The following OR2L13 variants were observed in gnomAD, a reference collection of about 807,000 sequenced individuals.
OR2L13 encodes the protein olfactory receptor 2L13.
OR2L13 carries 14 observed loss-of-function variants against 15.3 expected under a neutral mutation model. That is an observed-to-expected ratio of 0.91 (90% confidence interval 0.60 to 1.43). The LOEUF is 1.43. Ranked by LOEUF, OR2L13 falls within the 40% of genes most tolerant of loss-of-function variation. OR2L13 has a pLI of 0.00. For synonymous variants in OR2L13, 152 were observed against 142.9 expected (o/e 1.06, Z -0.45); for missense variants, 367 against 387.9 (o/e 0.95, Z 0.45).
At chr1:247,969,051 A>G in the OR2L13 span, among the ~76,000 whole-genome samples, 1 of 152,134 alleles carries the variant, frequency 6.6e-6, no homozygotes, top group Non-Finnish European at 1.5e-5. Flanking sequence ...CTGGCGTGAG[A>G]TGGTATCTCA....
At chr1:247,996,285 G>A in the OR2L13 span, among the ~76,000 whole-genome samples, 4 of 152,114 alleles carry the variant, frequency 2.6e-5, no homozygotes, top group Non-Finnish European at 5.9e-5. Flanking sequence ...ACAAACATTT[G>A]ACATAAATGC....
the OR2L13 span, chr1:247,991,176 G>T: frequency 1.2e-6 from 2 of 1,603,578 alleles, no homozygotes; most frequent in East Asian, 4.5e-5. Context: ...TGACACGAGT[G>T]ATTCAGAAAA....
chr1:247,959,454 G>C, the OR2L13 span, among the ~76,000 whole-genome samples: 2 of 151,992 alleles, frequency 1.3e-5, no homozygotes, highest in Non-Finnish European at 2.9e-5. Flanking sequence ...TATCTTTGTG[G>C]CGTTCTGTGT....
the OR2L13 span, among the ~76,000 whole-genome samples, chr1:248,082,830 G>T: frequency 6.6e-6 from 1 of 152,118 alleles, no homozygotes; most frequent in Non-Finnish European, 1.5e-5. Context: ...CTCATTGTTA[G>T]TAACTGTTAA....
chr1:247,991,090 G>T, the OR2L13 span: 1 of 1,597,906 alleles, frequency 6.3e-7, no homozygotes, highest in Non-Finnish European at 8.6e-7. Context: ...GGTTCTGGCT[G>T]TCTTCTACAC....
the OR2L13 span, among the ~76,000 whole-genome samples, chr1:248,049,970 T>C: frequency 6.6e-6 from 1 of 152,194 alleles, no homozygotes; most frequent in Non-Finnish European, 1.5e-5. Flanking sequence ...TGAAAATCTC[T>C]GAATCTCAGT....
chr1:247,999,318 CTA>C, the OR2L13 span, among the ~76,000 whole-genome samples: 1 of 152,094 alleles, frequency 6.6e-6, no homozygotes, highest in African/African-American at 2.4e-5. Flanking sequence ...TAATCAGTTT[CTA>C]TATATCCATG....
the OR2L13 span, among the ~76,000 whole-genome samples, chr1:248,073,694 C>A: frequency 1.3e-5 from 2 of 150,698 alleles, no homozygotes; most frequent in Admixed American, 6.6e-5. Flanking sequence ...TGGATGTTAG[C>A]TTGCTAGTGG....
the OR2L13 span, among the ~76,000 whole-genome samples, chr1:247,960,327 G>A: frequency 6.6e-6 from 1 of 152,176 alleles, no homozygotes; most frequent in Non-Finnish European, 1.5e-5. Flanking sequence ...GTACCAGGCC[G>A]TGTGAGGTGT....
intron 2 of OR2L13, among the ~76,000 whole-genome samples, chr1:248,099,124 T>G (rs527256261): frequency 6.6e-6 from 1 of 152,310 alleles, no homozygotes; most frequent in South Asian, 2.1e-4. Flanking sequence ...TGTAGCTGCT[T>G]GACTCTGCTG....
At chr1:247,988,851 T>C in the OR2L13 span, among the ~76,000 whole-genome samples, 1 of 152,172 alleles carries the variant, frequency 6.6e-6, no homozygotes, top group African/African-American at 2.4e-5. Context: ...TAAAGTAATT[T>C]ATTGTTTTTG....
At chr1:247,938,391 G>A in the OR2L13 span, among the ~76,000 whole-genome samples, 32 of 152,148 alleles carry the variant, frequency 2.1e-4, no homozygotes, top group Admixed American at 5.2e-4. Context: ...GGACCCAAGA[G>A]CAGCATGAAA....
the OR2L13 span, among the ~76,000 whole-genome samples, chr1:247,940,305 T>G: frequency 6.6e-6 from 1 of 152,174 alleles, no homozygotes; most frequent in African/African-American, 2.4e-5. Flanking sequence ...TAAAAGTTAT[T>G]GCAAAGAGAA....
At chr1:248,056,081 T>C in the OR2L13 span, among the ~76,000 whole-genome samples, 192 of 152,304 alleles carry the variant, frequency 1.3e-3, no homozygotes, top group African/African-American at 4.4e-3. Flanking sequence ...GTATTCTCTG[T>C]TGGTTGTTTG....
the OR2L13 span, among the ~76,000 whole-genome samples, chr1:247,977,729 G>T: frequency 6.6e-6 from 1 of 152,136 alleles, no homozygotes; most frequent in Non-Finnish European, 1.5e-5. Context: ...TGTTTCTTTA[G>T]ATATCATCTT....
the OR2L13 span, chr1:248,041,764 C>T: frequency 6.6e-6 from 1 of 152,204 alleles, no homozygotes; most frequent in Non-Finnish European, 1.5e-5. Context: ...AAAAAATGCT[C>T]ACCGTTACTG....
chr1:248,053,838 T>C, the OR2L13 span, among the ~76,000 whole-genome samples: 3 of 152,194 alleles, frequency 2.0e-5, no homozygotes, highest in Non-Finnish European at 1.5e-5. Flanking sequence ...GCTTAAGTTC[T>C]TTGTAGATTC....
At chr1:247,968,079 C>T in the OR2L13 span, among the ~76,000 whole-genome samples, 17 of 152,102 alleles carry the variant, frequency 1.1e-4, no homozygotes, top group Middle Eastern at 3.4e-3. Context: ...GAGGAACAAA[C>T]GTTTGTGTGT....
chr1:248,006,243 ATG>A, the OR2L13 span, among the ~76,000 whole-genome samples: 23,328 of 139,342 alleles, frequency 0.17, 1,803 homozygotes, highest in Middle Eastern at 0.26. Context: ...ATTGCAAGAT[ATG>A]TGTGTGTGTG....
Sources: gnomAD v4.1 joint callset for allele counts (sites outside exome capture counted in the v4.1 genomes callset) on GRCh38, gnomAD v4.1.1 for gene constraint, MANE v1.5 for transcripts, NCBI Gene and HGNC (gene_info 2026-07-23, HGNC 2026-07-21) for gene names.